Variants in KIF13A observed in about 807,000 individuals in gnomAD.
KIF13A encodes the protein kinesin family member 13A.
In KIF13A, 79 loss-of-function variants were observed where a neutral mutation model predicts 212.2. The observed-to-expected ratio is 0.37, with a 90% CI of 0.31 to 0.45. The LOEUF (loss-of-function observed/expected upper bound fraction) is 0.45, where lower values mean the gene tolerates loss of function less well. KIF13A is among the 20% of genes least tolerant of loss of function. The pLI is 1.00. For missense variants in KIF13A, 1,901 were observed against 2,209.0 expected (o/e 0.86, Z 2.79); for synonymous variants, 789 against 808.6 (o/e 0.98, Z 0.41).
In KIF13A at chr6:17,811,019, T is replaced by C. The variant is rs74332825; in HGVS notation, c.2001-2089A>G. 0.043 allele frequency among the ~76,000 whole-genome samples: 6,524 copies of C among 152,246 alleles called. 341 individuals are homozygous for C. The highest frequency in any genetic ancestry group is 0.12 in the African/African-American group (5,105 of 41,522). ...GTTCTAGACTACACGAAACAGTTCT[T>C]TTGCAGTCTCCCAAATACATCTTAA... On this transcript the variant is annotated intron_variant, in intron 17 of 38. Transcript: ENST00000259711. This position sits in a 1 kb window ranked among gnomAD's most constrained non-coding sequence, Gnocchi z 6.0.
chr6:17,780,721 C>T lies in KIF13A; in HGVS notation c.3846+9G>A, dbSNP rs550946440. ...GAGCCAGAATGGCACAATCAGGCCC[C>T]GTTATTACCTGTTTGTTGTAAATAT... On this transcript the variant is annotated intron_variant, in intron 31 of 38. Coordinates refer to ENST00000259711, the MANE Select transcript of KIF13A (RefSeq NM_022113.6). 1.7e-5 allele frequency: 28 copies of T among 1,611,864 alleles called. No homozygotes were observed. In the South Asian group the frequency reaches 1.9e-4, roughly 11 times the overall value.
At chr6:17,922,105 C>T (rs1481116293) in intron 2 of KIF13A, among the ~76,000 whole-genome samples, 1 of 152,148 alleles carries the variant, frequency 6.6e-6, no homozygotes, top group Non-Finnish European at 1.5e-5. Context: ...GAAGGAGTGA[C>T]CCCAGGGGAG....
chr6:17,973,310 T>C (rs888741711), intron 2 of KIF13A, among the ~76,000 whole-genome samples: 1 of 152,242 alleles, frequency 6.6e-6, no homozygotes, highest in Non-Finnish European at 1.5e-5. Context: ...GATTTTGTTA[T>C]AATGTTCTGC....
At chr6:17,942,140 A>G (rs1174975215) in intron 2 of KIF13A, among the ~76,000 whole-genome samples, 2 of 151,876 alleles carry the variant, frequency 1.3e-5, no homozygotes, top group East Asian at 3.9e-4. Flanking sequence ...ATCTCTATAA[A>G]AAAACACAAA....
Position 17,828,284 on chromosome 6 carries a change from A to T in KIF13A, c.1488T>A (p.Ile496=). Reference sequence around the variant, plus strand: ...TGAGAGTGACGTCTCCATCAGATGCAATGTCAATCTCACAGTGCTGAGGCT... The same window carrying T: ...TGAGAGTGACGTCTCCATCAGATGCTATGTCAATCTCACAGTGCTGAGGCT... The part of the protein sequence containing the change: ...GIQPQHCEID[I]ASDGDVTLTP... The change falls in exon 14 of 39, where the codon ATT becomes ATA. Residue 496 remains isoleucine, a synonymous_variant. Coordinates refer to ENST00000259711, the MANE Select transcript of KIF13A (RefSeq NM_022113.6). The surrounding 1 kb of genome is among the most constrained non-coding windows in gnomAD (Gnocchi z 4.3). 6.2e-7 allele frequency: 1 copy of T among 1,610,386 alleles called. No individual in the cohort carries two copies. The highest frequency in any genetic ancestry group is 8.5e-7 in the Non-Finnish European group (1 of 1,178,066).
Position 17,915,857 on chromosome 6 carries a change from G to C in KIF13A, c.147-17677C>G, listed in dbSNP as rs1774448489. Among the ~76,000 whole-genome samples the C allele has an allele frequency of 1.3e-5, 2 of 151,650 alleles. No individual in the cohort carries two copies. The highest frequency in any genetic ancestry group is 4.2e-4 in the South Asian group (2 of 4,818). On this transcript the variant is annotated intron_variant, in intron 2 of 38. Coordinates refer to ENST00000259711, the MANE Select transcript of KIF13A (RefSeq NM_022113.6). The surrounding 1 kb of genome is among the most constrained non-coding windows in gnomAD (Gnocchi z 4.4). ...AGAGCCTATAGTCCCAGCTACCCAA[G>C]AGGCTGAGGTGGTAGGATCATTGCA...
At chr6:17,910,945 A>C (rs1008503441) in intron 2 of KIF13A, among the ~76,000 whole-genome samples, 1 of 152,120 alleles carries the variant, frequency 6.6e-6, no homozygotes, top group African/African-American at 2.4e-5. Context: ...TTGTATTTTT[A>C]GTAGAGACGG....
chr6:17,952,853 C>T (rs1224303347), intron 2 of KIF13A, among the ~76,000 whole-genome samples: 6 of 151,874 alleles, frequency 4.0e-5, no homozygotes, highest in Non-Finnish European at 5.9e-5. Flanking sequence ...TGGCGCGAAC[C>T]CGGGAGGCAG....
chr6:17,960,409 T>C (rs1268103120), intron 2 of KIF13A, among the ~76,000 whole-genome samples: 1 of 152,244 alleles, frequency 6.6e-6, no homozygotes, highest in Non-Finnish European at 1.5e-5. Flanking sequence ...TGCTAAACTT[T>C]AAAACCAAGA....
At chr6:17,932,183 T>C (rs1343691976) in intron 2 of KIF13A, among the ~76,000 whole-genome samples, 1 of 152,168 alleles carries the variant, frequency 6.6e-6, no homozygotes, top group Non-Finnish European at 1.5e-5. Flanking sequence ...CACATAACTT[T>C]TCCCCTCCCA....
chr6:17,841,968 T>C (rs1046192304), intron 9 of KIF13A, among the ~76,000 whole-genome samples: 3 of 148,750 alleles, frequency 2.0e-5, no homozygotes, highest in African/African-American at 7.8e-5. Flanking sequence ...CACATACATG[T>C]AAGTACATGT....
In KIF13A at chr6:17,771,083, G is replaced by T; in HGVS notation, c.4581+31C>A. The T allele has an allele frequency of 7.0e-7, 1 of 1,433,208 alleles. No individual in the cohort carries two copies. The highest frequency in any genetic ancestry group is 9.8e-7 in the Non-Finnish European group (1 of 1,024,236). The allele number at this position is 1,433,208 out of a possible 1,614,324, so 88.8% of individuals were successfully genotyped here. A position where few individuals can be genotyped will look rare whatever the true frequency, so the allele number is the denominator to read the frequency against. On this transcript the variant is annotated intron_variant, in intron 38 of 38. Transcript: ENST00000259711. This position sits in a 1 kb window ranked among gnomAD's most constrained non-coding sequence, Gnocchi z 5.4. ...GAAAGGGCCTTAAACCCACCACCAG[G>T]CAATATGACAGAAATGGTTCCGGAA... is the stretch of plus-strand genomic sequence containing the variant.
chr6:17,942,735 T>C (rs993350800), intron 2 of KIF13A, among the ~76,000 whole-genome samples: 10 of 152,132 alleles, frequency 6.6e-5, no homozygotes, highest in African/African-American at 2.4e-4. Context: ...CTCAGCACTT[T>C]ACGAGGCCAA....
Position 17,855,289 on chromosome 6 carries a change from T to G in KIF13A, c.494+148A>C. ...AAACACTGGGTATACCAAAAGGCTT[T>G]GAGAAGCTGATGATTTTTCTGTAAA... On this transcript the variant is annotated intron_variant, in intron 6 of 38. Coordinates refer to ENST00000259711, the MANE Select transcript of KIF13A (RefSeq NM_022113.6). This position sits in a 1 kb window ranked among gnomAD's most constrained non-coding sequence, Gnocchi z 4.1. 3 of 622,974 alleles carry G rather than the reference T, an allele frequency of 4.8e-6. No individual in the cohort carries two copies. Among genetic ancestry groups the G allele is most frequent in the African/African-American group, 1.9e-5 (1 of 53,736 alleles). The allele number at this position is 622,974 out of a possible 1,614,324, so 38.6% of individuals were successfully genotyped here. A position where few individuals can be genotyped will look rare whatever the true frequency, so the allele number is the denominator to read the frequency against.
chr6:17,813,441 T>C (rs935257777), intron 17 of KIF13A, among the ~76,000 whole-genome samples: 1 of 151,972 alleles, frequency 6.6e-6, no homozygotes, highest in East Asian at 1.9e-4. Context: ...TATCATGCCA[T>C]TGCACTCCAG....
At chr6:17,798,927 T>G (rs1380343007) in intron 22 of KIF13A, among the ~76,000 whole-genome samples, 2 of 152,202 alleles carry the variant, frequency 1.3e-5, no homozygotes, top group Non-Finnish European at 2.9e-5. Context: ...CATAGCATTT[T>G]TAAAGAACTT....
chr6:17,794,150 G>A lies in KIF13A; in HGVS notation c.3222+99C>T, dbSNP rs758973453. 7 of 894,704 alleles carry A rather than the reference G, an allele frequency of 7.8e-6. No homozygotes were observed. Among genetic ancestry groups the A allele is most frequent in the South Asian group, 6.0e-5 (3 of 50,260 alleles). The allele number at this position is 894,704 out of a possible 1,614,324, so 55.4% of individuals were successfully genotyped here. On this transcript the variant is annotated intron_variant, in intron 25 of 38. Transcript: ENST00000259711. This position sits in a 1 kb window ranked among gnomAD's most constrained non-coding sequence, Gnocchi z 4.1. ...AAATGTGAACTGGGGGAAGATCTAC[G>A]GTTAAGGCAAAGAGTTCTGTTATAT...
At chr6:17,765,528 C>T (rs530806709) in intron 38 of KIF13A, among the ~76,000 whole-genome samples, 37 of 152,140 alleles carry the variant, frequency 2.4e-4, no homozygotes, top group Admixed American at 6.5e-4. Context: ...TGCTACATAT[C>T]GTAAGGCTAT....
chr6:17,977,114 C>CAAAAAAAAAA (rs398000718), intron 2 of KIF13A, among the ~76,000 whole-genome samples: 3 of 106,694 alleles, frequency 2.8e-5, no homozygotes, highest in Non-Finnish European at 3.8e-5. Context: ...AAAACAACAA[C>CAAAAAAAAAA]AAAAAAAAAA....
Sources: gnomAD v4.1 joint callset for allele counts (sites outside exome capture counted in the v4.1 genomes callset) on GRCh38, gnomAD v4.1.1 for gene constraint, Gnocchi (gnomAD v3.1) non-coding constraint, MANE v1.5 for transcripts, NCBI Gene and HGNC (gene_info 2026-07-23, HGNC 2026-07-21) for gene names.